Variants in GNPTAB observed in about 807,000 individuals in gnomAD.
GNPTAB encodes the protein N-acetylglucosamine-1-phosphate transferase subunits alpha and beta, also known as N-acetylglucosamine-1-phosphotransferase subunits alpha/beta.
A neutral mutation model predicts 136.6 loss-of-function variants in GNPTAB; 92 were observed. The ratio of observed to expected loss-of-function variants is 0.67; its 90% CI spans 0.57 to 0.80. The LOEUF is 0.80. GNPTAB is among the 30% of genes least tolerant of loss of function. The pLI is 0.00. For synonymous variants in GNPTAB, 512 were observed against 535.1 expected, an observed-to-expected ratio of 0.96 and a Z score of 0.60; for missense variants, 1,343 against 1,501.8, an observed-to-expected ratio of 0.89 and a Z score of 1.75.
chr12:101,765,957 C>G (rs954274216), intron 12 of GNPTAB, 134 bp downstream of exon 12: 3 of 781,820 alleles, frequency 3.8e-6, no homozygotes, highest in Non-Finnish European at 6.8e-6. Context: ...ACTTTCATAA[C>G]TAGTTTGAAT....
At chr12:101,815,622 C>CAA (rs34191299) in intron 1 of GNPTAB, among the ~76,000 whole-genome samples, 5 of 135,300 alleles carry the variant, frequency 3.7e-5, no homozygotes, top group Non-Finnish European at 6.5e-5. Context: ...GACCCTGTTC[C>CAA]AAAAAAAAAA....
In GNPTAB at chr12:101,768,068, T is replaced by C. The variant is rs374302256; in HGVS notation, c.1377A>G (p.Ser459=). 3 of 1,614,156 alleles carry C rather than the reference T, an allele frequency of 1.9e-6. No individual in the cohort carries two copies. The highest frequency in any genetic ancestry group is 1.3e-5 in the African/African-American group (1 of 75,052). Residue 459 remains serine (S), a synonymous_variant, in exon 11 of 21, where the codon TCA becomes TCG. Coordinates refer to ENST00000299314, the MANE Select transcript of GNPTAB (RefSeq NM_024312.5). ...DGYCDKACNN[S]ACDWDGGDCS... ...AATCCCCACCATCCCAATCGCAGGC[T>C]GAATTATTACAAGCCTTGTCACAAT...
At chr12:101,825,841 C>T (rs7960795) in intron 1 of GNPTAB, among the ~76,000 whole-genome samples, 39,317 of 152,002 alleles carry the variant, frequency 0.26, 5,395 homozygotes, top group African/African-American at 0.34. Flanking sequence ...CAAGTCCACA[C>T]GAAATAGATA....
At chr12:101,779,736 C>G (rs1431680414) in intron 7 of GNPTAB, 5 of 229,960 alleles carry the variant, frequency 2.2e-5, no homozygotes, top group Non-Finnish European at 3.5e-5. Context: ...ACCCTAAGTT[C>G]CATCCGGGCC....
At chr12:101,780,874 A>C (rs1196857770) in intron 5 of GNPTAB, among the ~76,000 whole-genome samples, 1 of 152,246 alleles carries the variant, frequency 6.6e-6, no homozygotes, top group Non-Finnish European at 1.5e-5. Context: ...GGAGCAGTCA[A>C]ATTTAAGCTA....
At chr12:101,805,385 G>C (rs879755949) in intron 1 of GNPTAB, among the ~76,000 whole-genome samples, 2 of 152,138 alleles carry the variant, frequency 1.3e-5, no homozygotes, top group Admixed American at 1.3e-4. Context: ...AAGGTGAAAA[G>C]AATGTTTTTG....
At chr12:101,759,217 G>T (rs1197548861) in intron 16 of GNPTAB, among the ~76,000 whole-genome samples, 3 of 152,000 alleles carry the variant, frequency 2.0e-5, no homozygotes, top group Non-Finnish European at 4.4e-5. Context: ...CAAAAAATTA[G>T]CCGGGCGTGG....
At chr12:101,824,428 A>ATT (rs1566103056) in intron 1 of GNPTAB, among the ~76,000 whole-genome samples, 1 of 84,064 alleles carries the variant, frequency 1.2e-5, no homozygotes, top group Non-Finnish European at 2.3e-5. Flanking sequence ...ATATATATAT[A>ATT]TATATTTTCT....
chr12:101,748,853 A>G (rs1383716530), intron 20 of GNPTAB, among the ~76,000 whole-genome samples: 1 of 152,230 alleles, frequency 6.6e-6, no homozygotes, highest in African/African-American at 2.4e-5. Flanking sequence ...CCTGATATCT[A>G]CAAGTTAATC....
chr12:101,801,289 C>A (rs1375107421), intron 1 of GNPTAB, among the ~76,000 whole-genome samples: 1 of 133,884 alleles, frequency 7.5e-6, no homozygotes, highest in Non-Finnish European at 1.6e-5. Context: ...TACCTTTAAT[C>A]CTAGCACTTT....
intron 4 of GNPTAB, among the ~76,000 whole-genome samples, chr12:101,788,194 A>T (rs1868776907): frequency 6.6e-6 from 1 of 152,254 alleles, no homozygotes; most frequent in South Asian, 2.1e-4. Context: ...TATATATTGA[A>T]CCTATAAGTA....
chr12:101,757,641 CT>C lies in GNPTAB; in HGVS notation c.3265del (p.Ser1089ValfsTer2). ...TACTGGTTTACAGTTTGTTACTAGA[CT>C]TTTAGTGACCGGTGGCTATGAGAAA... ...YDPNLPPVTKSLVTNCKPVTD... is the reference protein window; with the variant it reads ...YDPNLPPVTKXLVTNCKPVTD... On this transcript the variant is annotated frameshift_variant, in exon 17 of 21. Transcript: ENST00000299314. LOFTEE classifies it high-confidence loss of function. The C allele has an allele frequency of 6.4e-7, 1 of 1,566,864 alleles. No individual in the cohort carries two copies. Among genetic ancestry groups the C allele is most frequent in the Non-Finnish European group, 8.8e-7 (1 of 1,137,402 alleles).
Position 101,790,022 on chromosome 12 carries a change from G to A in GNPTAB, c.239C>T (p.Thr80Ile). The change falls in exon 3 of 21, where the codon ACC becomes ATC. Residue 80 changes from threonine to isoleucine, a missense_variant. Thr to Ile is a moderately conservative substitution (Grantham distance 89). Coordinates refer to ENST00000299314, the MANE Select transcript of GNPTAB (RefSeq NM_024312.5). ...CLPMPIDVVYTWVNGTDLELL... is the reference protein window; with the variant it reads ...CLPMPIDVVYIWVNGTDLELL... ...TTCAAGATCTGTGCCATTCACCCAG[G>A]TGTAAACAACGTCAATCGGCATGGG... The A allele has an allele frequency of 4.3e-6, 7 of 1,614,092 alleles. No homozygotes were observed. The highest frequency in any genetic ancestry group is 5.9e-6 in the Non-Finnish European group (7 of 1,179,986).
intron 1 of GNPTAB, among the ~76,000 whole-genome samples, chr12:101,804,699 T>C (rs886773081): frequency 1.3e-5 from 2 of 152,226 alleles, no homozygotes; most frequent in Non-Finnish European, 2.9e-5. Context: ...GTCACCATAA[T>C]GGGCCAAATA....
At chr12:101,757,139 G>A (rs1203339179) in intron 18 of GNPTAB, 73 bp downstream of exon 18, 1 of 829,048 alleles carries the variant, frequency 1.2e-6, no homozygotes, top group African/African-American at 1.7e-5. Flanking sequence ...ACAGAAATAA[G>A]CTACTCCCTT....
intron 1 of GNPTAB, among the ~76,000 whole-genome samples, chr12:101,830,258 A>G (rs1236022671): frequency 6.6e-6 from 1 of 151,946 alleles, no homozygotes; most frequent in East Asian, 1.9e-4. Flanking sequence ...CGAGGGAGCA[A>G]TATCTAAAAT....
chr12:101,789,087 A>G (rs1868834009), intron 3 of GNPTAB, among the ~76,000 whole-genome samples: 1 of 152,210 alleles, frequency 6.6e-6, no homozygotes, highest in South Asian at 2.1e-4. Flanking sequence ...TGGGCCTATT[A>G]TATTTTTCAA....
intron 5 of GNPTAB, among the ~76,000 whole-genome samples, chr12:101,781,252 G>A (rs532455325): frequency 6.6e-6 from 1 of 152,292 alleles, no homozygotes; most frequent in African/African-American, 2.4e-5. Flanking sequence ...TTCAGGGATT[G>A]TGGAAAACAA....
chr12:101,821,584 G>A (rs970743467), intron 1 of GNPTAB, among the ~76,000 whole-genome samples: 2 of 152,188 alleles, frequency 1.3e-5, no homozygotes, highest in Non-Finnish European at 2.9e-5. Context: ...AATCATGGTA[G>A]AAAGGTCCAG....
Sources: allele counts gnomAD v4.1 joint callset (sites outside exome capture counted in the v4.1 genomes callset), GRCh38; gene constraint gnomAD v4.1.1; transcripts MANE v1.5; gene names NCBI Gene and HGNC (gene_info 2026-07-23, HGNC 2026-07-21).